The following HDAC9 variants were observed in gnomAD, a reference collection of about 807,000 sequenced individuals.
The protein encoded by HDAC9 is histone deacetylase 9.
Under a neutral mutation model 139.4 loss-of-function variants are expected in HDAC9, and 41 were observed. The observed-to-expected ratio is 0.29, with a 90% CI of 0.23 to 0.38. HDAC9 has a LOEUF of 0.38. Among genes scored for constraint, HDAC9 ranks in the 10% least tolerant of loss-of-function variants. The pLI, the probability that HDAC9 is intolerant of heterozygous loss-of-function variation, is 1.00. For synonymous variants in HDAC9, 517 were observed against 476.2 expected (o/e 1.09, Z -1.12); for missense variants, 1,147 against 1,297.0 (o/e 0.88, Z 1.78).
chr7:18,754,998 A>C (rs73069075), intron 14 of HDAC9, among the ~76,000 whole-genome samples: 3,030 of 152,220 alleles, frequency 0.02, 43 homozygotes, highest in Non-Finnish European at 0.029. Context: ...GTCTAACTAG[A>C]TGGCAGCACG....
intron 12 of HDAC9, among the ~76,000 whole-genome samples, chr7:18,692,010 C>T (rs1782707909): frequency 6.6e-6 from 1 of 151,962 alleles, no homozygotes; most frequent in South Asian, 2.1e-4. Context: ...GTCTCAAGTT[C>T]CTCATCAATG....
intron 12 of HDAC9, among the ~76,000 whole-genome samples, chr7:18,709,072 CT>C (rs10707338): frequency 0.42 from 62,960 of 148,312 alleles, 15,644 homozygotes; most frequent in African/African-American, 0.7. Flanking sequence ...GACTTTGTTT[CT>C]TTTTTTTTTT....
intron 12 of HDAC9, among the ~76,000 whole-genome samples, chr7:18,676,423 T>A (rs540957531): frequency 6.6e-6 from 1 of 152,072 alleles, no homozygotes; most frequent in South Asian, 2.1e-4. Context: ...TTTCTTGATC[T>A]TAAGTAATTT....
intron 1 of HDAC9, among the ~76,000 whole-genome samples, chr7:18,307,097 TTGTGTGTGTGTGTGTGTGTGTGTGTGTG>T (rs56020648): frequency 7.4e-6 from 1 of 134,808 alleles, no homozygotes. Flanking sequence ...AGGGCAGTTC[TTGTGTGTGTGTGTGTGTGTGTGTGTGTG>T]TGTGTGTGTG....
At position 18,113,480 on chromosome 7, in the gene HDAC9, A is replaced by G. The variant is rs867667948; in HGVS notation, c.-97+26267A>G. Among the ~76,000 whole-genome samples the G allele has an allele frequency of 2.6e-5, 4 of 152,240 alleles. No individual in the cohort carries two copies. The South Asian group carries it at 8.3e-4, about 32-fold the overall frequency. On this transcript the variant is annotated intron_variant, in intron 1 of 12. Transcript: ENST00000417496. ...TGGACACGGATTAAGTTTCTACGAG[A>G]TGATCAGAAATGGGATATAATTTGA...
intron 15 of HDAC9, 65 bp from the exon 16 acceptor site, chr7:18,767,041 G>A (rs1789887952): frequency 1.4e-6 from 1 of 737,456 alleles, no homozygotes; most frequent in Non-Finnish European, 2.2e-6. Flanking sequence ...GTTAATAAAT[G>A]CCAACATTTT....
chr7:18,701,264 A>C (rs1400231560), intron 12 of HDAC9, among the ~76,000 whole-genome samples: 1 of 152,132 alleles, frequency 6.6e-6, no homozygotes, highest in African/African-American at 2.4e-5. Flanking sequence ...GTTTTGGTGT[A>C]TCATTCTAGT....
At chr7:18,720,634 A>C (rs1437785268) in intron 12 of HDAC9, among the ~76,000 whole-genome samples, 2 of 151,662 alleles carry the variant, frequency 1.3e-5, no homozygotes, top group Non-Finnish European at 2.9e-5. Flanking sequence ...TAGTAAAAAA[A>C]AAAAATGTGT....
upstream of HDAC9, among the ~76,000 whole-genome samples, chr7:18,289,065 A>G (rs1797636561): frequency 6.6e-6 from 1 of 152,174 alleles, no homozygotes; most frequent in African/African-American, 2.4e-5. Flanking sequence ...AAAGCCACAG[A>G]TGTAAGTGAG....
chr7:18,905,892 T>C (rs1007990250), intron 22 of HDAC9, among the ~76,000 whole-genome samples: 2 of 151,992 alleles, frequency 1.3e-5, no homozygotes, highest in African/African-American at 4.8e-5. Context: ...TTCTTTCCTT[T>C]CTTTTCCTTC....
chr7:18,120,041 A>G (rs1784266705), intron 1 of HDAC9, among the ~76,000 whole-genome samples: 1 of 152,218 alleles, frequency 6.6e-6, no homozygotes, highest in East Asian at 1.9e-4. Flanking sequence ...GTATCTGGAA[A>G]TCAGTGTCTA....
chr7:18,842,428 T>A (rs1796643998), intron 21 of HDAC9, among the ~76,000 whole-genome samples: 1 of 152,118 alleles, frequency 6.6e-6, no homozygotes, highest in Non-Finnish European at 1.5e-5. Context: ...TGTCAATCAA[T>A]CTTAGTAACA....
chr7:18,151,740 A>C (rs1786797062), intron 1 of HDAC9: 3 of 152,190 alleles, frequency 2.0e-5, no homozygotes, highest in Admixed American at 6.5e-5. Flanking sequence ...AATGTGCTAC[A>C]TACAACAAAC....
chr7:18,675,177 G>A (rs1781422427), intron 12 of HDAC9, among the ~76,000 whole-genome samples: 1 of 152,016 alleles, frequency 6.6e-6, no homozygotes, highest in Admixed American at 6.6e-5. Flanking sequence ...GGAAATTGAT[G>A]TGTTGTTTTG....
At chr7:18,565,399 T>C (rs941129164) in intron 2 of HDAC9, among the ~76,000 whole-genome samples, 2 of 152,238 alleles carry the variant, frequency 1.3e-5, no homozygotes, top group African/African-American at 4.8e-5. Context: ...CTGTGAGTAA[T>C]TTTTTCCTCA....
chr7:18,527,992 A>G (rs764913156), intron 2 of HDAC9, among the ~76,000 whole-genome samples: 2 of 152,082 alleles, frequency 1.3e-5, no homozygotes, highest in Admixed American at 6.6e-5. Context: ...TGGTACCTTA[A>G]GAATGAAATA....
intron 2 of HDAC9, among the ~76,000 whole-genome samples, chr7:18,246,663 A>G (rs569626073): frequency 1.3e-5 from 2 of 152,220 alleles, no homozygotes; most frequent in Non-Finnish European, 2.9e-5. Flanking sequence ...CAGTGAAGTA[A>G]TGGGGGCTGA....
chr7:18,956,638 C>T (rs1348706616), intron 24 of HDAC9, among the ~76,000 whole-genome samples: 1 of 152,104 alleles, frequency 6.6e-6, no homozygotes, highest in Middle Eastern at 3.2e-3. Flanking sequence ...AGAAACAATG[C>T]ACTCTTCACA....
At chr7:18,732,173 A>G (rs1191135534) in intron 13 of HDAC9, among the ~76,000 whole-genome samples, 4 of 152,154 alleles carry the variant, frequency 2.6e-5, no homozygotes, top group Non-Finnish European at 1.5e-5. Flanking sequence ...GATAACTGTT[A>G]TATATTAATT....
Sources: allele counts gnomAD v4.1 joint callset (sites outside exome capture counted in the v4.1 genomes callset), GRCh38; gene constraint gnomAD v4.1.1; transcripts MANE v1.5; gene names NCBI Gene and HGNC (gene_info 2026-07-23, HGNC 2026-07-21).